The following RALGAPA2 variants were observed in gnomAD, a reference collection of about 807,000 sequenced individuals.
RALGAPA2 encodes the protein ral GTPase-activating protein subunit alpha-2.
Under a neutral mutation model 230.4 loss-of-function variants are expected in RALGAPA2, and 139 were observed. That is an observed-to-expected ratio of 0.60 (90% CI 0.53 to 0.69). The LOEUF is 0.69. Among genes scored for constraint, RALGAPA2 ranks in the 30% least tolerant of loss-of-function variants. The pLI, the probability that RALGAPA2 is intolerant of heterozygous loss-of-function variation, is 0.00. For missense variants in RALGAPA2, 2,163 were observed against 2,276.0 expected, an observed-to-expected ratio of 0.95 and a Z score of 1.01; for synonymous variants, 847 against 837.8, an observed-to-expected ratio of 1.01 and a Z score of -0.19.
intron 25 of RALGAPA2, 51 bp from the exon 26 acceptor site, chr20:20,535,854 C>T: frequency 6.6e-7 from 1 of 1,523,258 alleles, no homozygotes; most frequent in Non-Finnish European, 8.8e-7. Context: ...TAGTTGGTTT[C>T]CCACATGTTC....
chr20:20,420,632 G>C (rs892712399), intron 37 of RALGAPA2, among the ~76,000 whole-genome samples: 2 of 152,102 alleles, frequency 1.3e-5, no homozygotes, highest in African/African-American at 4.8e-5. Flanking sequence ...GCAGAAGCAG[G>C]CTCTCCGGTG....
chr20:20,592,640 C>T (rs1207363321), intron 16 of RALGAPA2, among the ~76,000 whole-genome samples: 6 of 152,226 alleles, frequency 3.9e-5, no homozygotes, highest in Admixed American at 3.9e-4. Context: ...ATAATCAAAA[C>T]TCAGCCTGTA....
chr20:20,452,410 A>C (rs2061007386), intron 37 of RALGAPA2, among the ~76,000 whole-genome samples: 1 of 152,244 alleles, frequency 6.6e-6, no homozygotes, highest in South Asian at 2.1e-4. Context: ...AGAGTTTTGC[A>C]TCTTGTACGA....
intron 2 of RALGAPA2, among the ~76,000 whole-genome samples, chr20:20,678,809 C>T (rs746899381): frequency 5.7e-4 from 86 of 152,118 alleles, no homozygotes; most frequent in African/African-American, 1.9e-3. Flanking sequence ...ATCTGTTTGG[C>T]TTCCGACCTG....
At chr20:20,531,912 T>C in intron 26 of RALGAPA2, 117 bp from the exon 27 acceptor site, 1 of 845,082 alleles carries the variant, frequency 1.2e-6, no homozygotes, top group Non-Finnish European at 1.8e-6. Flanking sequence ...ATATTATAGA[T>C]CTATTAGCAG....
intron 23 of RALGAPA2, among the ~76,000 whole-genome samples, chr20:20,569,424 TA>T (rs1306604970): frequency 6.6e-6 from 1 of 152,192 alleles, no homozygotes; most frequent in African/African-American, 2.4e-5. Flanking sequence ...AATAGAGATT[TA>T]TGATATCCTC....
intron 37 of RALGAPA2, among the ~76,000 whole-genome samples, chr20:20,461,967 T>TGG (rs2061312778): frequency 6.6e-6 from 1 of 152,090 alleles, no homozygotes; most frequent in African/African-American, 2.4e-5. Flanking sequence ...TTCATTGGTG[T>TGG]TGGATTAAGG....
intron 38 of RALGAPA2, among the ~76,000 whole-genome samples, chr20:20,402,596 G>C (rs913216664): frequency 2.0e-5 from 3 of 152,210 alleles, no homozygotes; most frequent in Non-Finnish European, 4.4e-5. Context: ...ACCGCTGAGG[G>C]CCCCTCTAGT....
chr20:20,639,287 A>G (rs1297314524), intron 7 of RALGAPA2, among the ~76,000 whole-genome samples: 1 of 152,248 alleles, frequency 6.6e-6, no homozygotes. Context: ...TATTCTAACT[A>G]TTATTCAGAA....
At chr20:20,626,576 C>A (rs1359414843) in intron 10 of RALGAPA2, among the ~76,000 whole-genome samples, 2 of 152,132 alleles carry the variant, frequency 1.3e-5, no homozygotes, top group African/African-American at 4.8e-5. Flanking sequence ...ATGCCAATAA[C>A]AGATACAGTC....
At chr20:20,546,333 CA>C (rs35683499) in intron 24 of RALGAPA2, among the ~76,000 whole-genome samples, 16 of 150,772 alleles carry the variant, frequency 1.1e-4, no homozygotes, top group East Asian at 3.9e-4. Context: ...AATTTAAAAA[CA>C]AAAAAAAACT....
At chr20:20,608,843 T>C (rs1003436285) in intron 14 of RALGAPA2, among the ~76,000 whole-genome samples, 1 of 152,198 alleles carries the variant, frequency 6.6e-6, no homozygotes, top group Non-Finnish European at 1.5e-5. Flanking sequence ...GAAGAAGTCC[T>C]TTCCTGATTG....
intron 4 of RALGAPA2, among the ~76,000 whole-genome samples, chr20:20,644,137 T>C (rs2067132109): frequency 6.6e-6 from 1 of 152,202 alleles, no homozygotes; most frequent in African/African-American, 2.4e-5. Context: ...CTAAGTCTTC[T>C]ATAAATGTAT....
At chr20:20,448,628 C>T (rs1217447414) in intron 37 of RALGAPA2, among the ~76,000 whole-genome samples, 1 of 152,042 alleles carries the variant, frequency 6.6e-6, no homozygotes, top group African/African-American at 2.4e-5. Flanking sequence ...ACAAAGTTTC[C>T]CAGGCAATTC....
chr20:20,640,113 C>T (rs990463806), intron 6 of RALGAPA2, among the ~76,000 whole-genome samples: 3 of 152,206 alleles, frequency 2.0e-5, no homozygotes, highest in African/African-American at 2.4e-5. Flanking sequence ...CATTCTTTCC[C>T]GTTCAAATTC....
At chr20:20,652,628 A>T (rs1308306380) in intron 4 of RALGAPA2, among the ~76,000 whole-genome samples, 1 of 152,220 alleles carries the variant, frequency 6.6e-6, no homozygotes, top group Non-Finnish European at 1.5e-5. Context: ...TCATCTGGTA[A>T]GTAAGAAATC....
At chr20:20,414,095 A>G (rs1431968537) in intron 37 of RALGAPA2, among the ~76,000 whole-genome samples, 3 of 152,250 alleles carry the variant, frequency 2.0e-5, no homozygotes, top group Non-Finnish European at 2.9e-5. Context: ...GCACTCTGAC[A>G]CTAAGCTGGC....
At chr20:20,465,467 T>C (rs1163003240) in intron 37 of RALGAPA2, among the ~76,000 whole-genome samples, 1 of 151,934 alleles carries the variant, frequency 6.6e-6, no homozygotes, top group Non-Finnish European at 1.5e-5. Flanking sequence ...ACGCTCCCTA[T>C]GATGGTTGGT....
chr20:20,679,837 A>G (rs1225856433), intron 2 of RALGAPA2, among the ~76,000 whole-genome samples: 1 of 152,206 alleles, frequency 6.6e-6, no homozygotes, highest in Non-Finnish European at 1.5e-5. Flanking sequence ...TCTCTCTTAC[A>G]GAACAACTGA....
Sources: gnomAD v4.1 joint callset for allele counts (sites outside exome capture counted in the v4.1 genomes callset) on GRCh38, gnomAD v4.1.1 for gene constraint, MANE v1.5 for transcripts, NCBI Gene and HGNC (gene_info 2026-07-23, HGNC 2026-07-21) for gene names.